The following COL6A6 variants were observed in gnomAD, a reference collection of about 807,000 sequenced individuals.
The protein encoded by COL6A6 is collagen alpha-6(VI) chain.
In COL6A6, 183 loss-of-function variants were observed where a neutral mutation model predicts 208.6. The observed-to-expected ratio is 0.88, with a 90% confidence interval of 0.78 to 0.99. The LOEUF is 0.99. Among genes scored for constraint, COL6A6 ranks in the 50% least tolerant of loss-of-function variants. The pLI is 0.00. For synonymous variants in COL6A6, 973 were observed against 1,011.8 expected (o/e 0.96, Z 0.73); for missense variants, 2,816 against 2,815.2 (o/e 1.00, Z -0.01).
At chr3:130,561,356 C>T (rs1362703988) in intron 2 of COL6A6, among the ~76,000 whole-genome samples, 1 of 152,192 alleles carries the variant, frequency 6.6e-6, no homozygotes, top group Non-Finnish European at 1.5e-5. Context: ...ATTTCTTCCC[C>T]TGAGATGCTG....
At chr3:130,664,944 G>C in intron 35 of COL6A6, 59 bp from the exon 36 acceptor site, 1 of 1,118,780 alleles carries the variant, frequency 8.9e-7, no homozygotes, top group South Asian at 1.3e-5. Context: ...GTACAGAGCA[G>C]ATTGCAGTAA....
intron 1 of COL6A6, among the ~76,000 whole-genome samples, chr3:130,533,335 G>A (rs745576108): frequency 3.4e-5 from 5 of 148,668 alleles, no homozygotes; most frequent in African/African-American, 7.5e-5. Context: ...TCATCACTTC[G>A]TCACCTCCTT....
At position 130,519,948 on chromosome 3, in the gene COL6A6, C is replaced by T. The variant is rs183587143; in HGVS notation, c.-32+2551C>T. Among the ~76,000 whole-genome samples the T allele has an allele frequency of 9.2e-5, 14 of 152,282 alleles. 1 individual carries two copies. The highest frequency in any genetic ancestry group is 7.2e-4 in the Admixed American group (11 of 15,302). ...ACATGATTAACAGGAACGAATGATCCGCCAAACATTGTAATCTCCTTGGAA... is the reference window on the plus strand; with the variant it reads ...ACATGATTAACAGGAACGAATGATCTGCCAAACATTGTAATCTCCTTGGAA... On this transcript the variant is annotated intron_variant, in intron 1 of 36. Coordinates refer to ENST00000358511, the MANE Select transcript of COL6A6 (RefSeq NM_001102608.3).
At chr3:130,592,972 G>A (rs2063755821) in intron 15 of COL6A6, 89 bp from the exon 16 acceptor site, 8 of 1,252,042 alleles carry the variant, frequency 6.4e-6, no homozygotes, top group Non-Finnish European at 9.3e-6. Flanking sequence ...GGCTGTATGT[G>A]AAACACAAAA....
rs1430099182 is a variant in COL6A6, at chr3:130,592,825, G to A, written c.4371+103G>A. 2.6e-6 allele frequency: 3 copies of A among 1,172,142 alleles called. No homozygotes were observed. In the Admixed American group the frequency reaches 6.7e-5, roughly 26 times the overall value. The allele number at this position is 1,172,142 out of a possible 1,614,324, so 72.6% of individuals were successfully genotyped here. Reference sequence around the variant, plus strand: ...AAATTATACAAATAAAGTTGTCATTGACTTTCCTTTTTTATTGCCAGCCAT... The same window carrying A: ...AAATTATACAAATAAAGTTGTCATTAACTTTCCTTTTTTATTGCCAGCCAT... On this transcript the variant is annotated intron_variant, in intron 15 of 36. Coordinates refer to ENST00000358511, the MANE Select transcript of COL6A6 (RefSeq NM_001102608.3).
chr3:130,579,996 C>T (rs998781150), intron 8 of COL6A6, among the ~76,000 whole-genome samples: 2 of 152,200 alleles, frequency 1.3e-5, no homozygotes, highest in South Asian at 2.1e-4. Context: ...TAAGTTTGTA[C>T]GTTCAGCAAT....
At chr3:130,587,054 C>T (rs573041447) in intron 11 of COL6A6, among the ~76,000 whole-genome samples, 25 of 152,256 alleles carry the variant, frequency 1.6e-4, no homozygotes, top group South Asian at 6.2e-4. Flanking sequence ...AACAGCTTTC[C>T]GTACTGAGTG....
At chr3:130,517,132 G>A (rs549405547), upstream of COL6A6, among the ~76,000 whole-genome samples, 186 of 152,290 alleles carry the variant, frequency 1.2e-3, no homozygotes, top group African/African-American at 4.3e-3. Flanking sequence ...GGTCGGGCCC[G>A]GGGCGGGGAG....
intron 23 of COL6A6, among the ~76,000 whole-genome samples, chr3:130,618,084 T>C (rs910096334): frequency 6.6e-6 from 1 of 152,166 alleles, no homozygotes; most frequent in Non-Finnish European, 1.5e-5. Context: ...CCCAGCCTTA[T>C]GCATCAAGTT....
At chr3:130,614,691 G>T (rs2108234978) in intron 23 of COL6A6, among the ~76,000 whole-genome samples, 1 of 152,220 alleles carries the variant, frequency 6.6e-6, no homozygotes, top group East Asian at 1.9e-4. Flanking sequence ...GTTGGAGCTT[G>T]TTATTGGTCT....
intron 23 of COL6A6, among the ~76,000 whole-genome samples, chr3:130,616,553 A>G (rs1460720769): frequency 1.4e-3 from 2 of 1,404 alleles, no homozygotes; most frequent in Admixed American, 0.011. Context: ...TCAATGCCTG[A>G]AAAAAAAAAA....
At chr3:130,562,975 A>T (rs2107864313) in intron 2 of COL6A6, 93 bp from the exon 3 acceptor site, 1 of 895,738 alleles carries the variant, frequency 1.1e-6, no homozygotes, top group South Asian at 2.0e-5. Flanking sequence ...TAAAAATAAA[A>T]AGGAAAGTAC....
At chr3:130,556,200 GC>G (rs1452153158) in intron 1 of COL6A6, among the ~76,000 whole-genome samples, 2 of 152,176 alleles carry the variant, frequency 1.3e-5, no homozygotes, top group African/African-American at 4.8e-5. Flanking sequence ...CCATGTTGCT[GC>G]AAAAGGCATG....
intron 8 of COL6A6, among the ~76,000 whole-genome samples, chr3:130,579,531 A>G (rs1003419248): frequency 2.0e-5 from 3 of 152,000 alleles, no homozygotes; most frequent in Non-Finnish European, 4.4e-5. Flanking sequence ...TCAGCGGGCT[A>G]CTCTTACTTC....
At chr3:130,605,195 C>CTCT (rs1473560803) in intron 20 of COL6A6, among the ~76,000 whole-genome samples, 8 of 152,238 alleles carry the variant, frequency 5.3e-5, no homozygotes, top group African/African-American at 1.9e-4. Flanking sequence ...TCTCAAAAAT[C>CTCT]TCTTCTTCCA....
At chr3:130,571,641 G>C (rs1370563045) in intron 7 of COL6A6, among the ~76,000 whole-genome samples, 2 of 152,082 alleles carry the variant, frequency 1.3e-5, no homozygotes, top group Non-Finnish European at 2.9e-5. Context: ...CTCTTCTAAT[G>C]ATGGGAAATT....
intron 1 of COL6A6, among the ~76,000 whole-genome samples, chr3:130,525,227 A>G (rs1378615263): frequency 2.0e-5 from 3 of 151,802 alleles, no homozygotes; most frequent in Non-Finnish European, 4.4e-5. Flanking sequence ...GTGTGCTTCA[A>G]AAGCCTAGAA....
At chr3:130,627,273 T>C (rs971275783) in intron 25 of COL6A6, 46 bp from the exon 26 acceptor site, 20 of 1,566,504 alleles carry the variant, frequency 1.3e-5, no homozygotes, top group Non-Finnish European at 1.8e-5. Flanking sequence ...TAAGCCTGTC[T>C]CTATCTGTAG....
In COL6A6 at chr3:130,581,981, C is replaced by G. The variant is rs749625377; in HGVS notation, c.3892-9C>G. The G allele has an allele frequency of 1.9e-6, 3 of 1,603,272 alleles. No individual in the cohort carries two copies. The South Asian group carries it at 3.3e-5, about 18-fold the overall frequency. On this transcript the variant is annotated splice_polypyrimidine_tract_variant and intron_variant, in intron 9 of 36. Transcript: ENST00000358511. Reference sequence around the variant, plus strand: ...TAATTCATTTTACTTTTTTTGAATACTTTCTTAGGTGGTCCTTTTATTTTC... The same window carrying G: ...TAATTCATTTTACTTTTTTTGAATAGTTTCTTAGGTGGTCCTTTTATTTTC...
Sources: allele counts gnomAD v4.1 joint callset (sites outside exome capture counted in the v4.1 genomes callset), GRCh38; gene constraint gnomAD v4.1.1; transcripts MANE v1.5; gene names NCBI Gene and HGNC (gene_info 2026-07-23, HGNC 2026-07-21).